GON4L: variants seen among roughly 807,000 people sequenced by gnomAD.
The protein encoded by GON4L is gon-4 like, also known as GON-4-like protein.
Under a neutral mutation model 211.8 loss-of-function variants are expected in GON4L, and 87 were observed. The observed-to-expected ratio is 0.41, with a 90% CI of 0.35 to 0.49. The LOEUF (loss-of-function observed/expected upper bound fraction) is 0.49. Ranked by LOEUF, GON4L falls within the 20% of genes least tolerant of loss-of-function variation. GON4L has a pLI of 0.15. For missense variants in GON4L, 2,155 were observed against 2,659.5 expected (o/e 0.81, Z 4.17); for synonymous variants, 875 against 962.6 (o/e 0.91, Z 1.68).
intron 14 of GON4L, among the ~76,000 whole-genome samples, chr1:155,782,388 C>G (rs1664507860): frequency 6.6e-6 from 1 of 152,140 alleles, no homozygotes; most frequent in Non-Finnish European, 1.5e-5. Context: ...ATGTACTTAC[C>G]ATTGTGTTAC....
chr1:155,843,771 C>T (rs1010987233), intron 2 of GON4L, among the ~76,000 whole-genome samples: 3 of 152,108 alleles, frequency 2.0e-5, no homozygotes, highest in Admixed American at 6.5e-5. Flanking sequence ...TGGTGGAAAA[C>T]GAGGGCTACT....
intron 9 of GON4L, 85 bp downstream of exon 9, chr1:155,814,245 C>T (rs1308636017): frequency 2.3e-6 from 3 of 1,282,248 alleles, no homozygotes; most frequent in Admixed American, 3.4e-5. Flanking sequence ...CCCAGAATCA[C>T]CATGGATAAA....
chr1:155,809,693 T>C (rs1289293231), intron 10 of GON4L, among the ~76,000 whole-genome samples: 2 of 67,146 alleles, frequency 3.0e-5, no homozygotes, highest in Non-Finnish European at 5.1e-5. Flanking sequence ...TATATACTTA[T>C]ATATACTTAT....
At chr1:155,754,305 G>T (rs1315680698) in intron 28 of GON4L, 70 bp downstream of exon 28, 1 of 920,398 alleles carries the variant, frequency 1.1e-6, no homozygotes, top group Non-Finnish European at 1.8e-6. Flanking sequence ...ATTCAGTAAG[G>T]TACAATTCTT....
At chr1:155,778,514 G>A (rs1664064191) in intron 14 of GON4L, among the ~76,000 whole-genome samples, 1 of 152,146 alleles carries the variant, frequency 6.6e-6, no homozygotes, top group Admixed American at 6.6e-5. Context: ...GCTTCCCAAA[G>A]TGCTGGGATT....
intron 2 of GON4L, among the ~76,000 whole-genome samples, chr1:155,852,980 C>T (rs904862993): frequency 6.6e-6 from 1 of 151,934 alleles, no homozygotes; most frequent in Non-Finnish European, 1.5e-5. Context: ...GGCGTGGTGG[C>T]GCATGCCTGT....
intron 3 of GON4L, among the ~76,000 whole-genome samples, chr1:155,824,757 T>A (rs1571869207): frequency 8.4e-6 from 1 of 118,848 alleles, no homozygotes; most frequent in African/African-American, 3.4e-5. Flanking sequence ...ACAAAGACTC[T>A]GTCGCAAAAA....
At position 155,807,539 on chromosome 1, in the gene GON4L, TAAAAAATAC is replaced by T. The variant is rs528455871; in HGVS notation, c.1453-2407_1453-2399del. Among the ~76,000 whole-genome samples, 18 of 151,322 alleles carry T rather than the reference TAAAAAATAC, an allele frequency of 1.2e-4. No homozygotes were observed. In the South Asian group the frequency reaches 3.8e-3, roughly 32 times the overall value. Reference sequence around the variant, plus strand: ...GGCTAACAGTGAAACCCCGTCTCTATAAAAAATACAAAAAATTAGCTGGGCATGGTGGCA... The same window carrying T: ...GGCTAACAGTGAAACCCCGTCTCTATAAAAAATTAGCTGGGCATGGTGGCA... On this transcript the variant is annotated intron_variant, in intron 10 of 31. Transcript: ENST00000368331.
At chr1:155,831,078 C>G (rs1034813139) in intron 2 of GON4L, among the ~76,000 whole-genome samples, 3 of 152,042 alleles carry the variant, frequency 2.0e-5, no homozygotes, top group Non-Finnish European at 4.4e-5. Context: ...GTGGACAGGT[C>G]ACTTGAGCTC....
At chr1:155,787,432 G>A (rs953871625) in intron 12 of GON4L, among the ~76,000 whole-genome samples, 1 of 152,122 alleles carries the variant, frequency 6.6e-6, no homozygotes, top group Non-Finnish European at 1.5e-5. Context: ...ATGTCTGGAG[G>A]ACTGTGAACA....
At chr1:155,777,864 G>T in intron 14 of GON4L, 44 bp from the exon 15 acceptor site, 1 of 1,161,394 alleles carries the variant, frequency 8.6e-7, no homozygotes, top group Non-Finnish European at 1.3e-6. Context: ...GTTTCCGTAG[G>T]TCCACAACAC....
chr1:155,820,702 C>T, intron 5 of GON4L, 46 bp from the exon 6 acceptor site: 1 of 1,406,570 alleles, frequency 7.1e-7, no homozygotes, highest in Non-Finnish European at 1.0e-6. Context: ...AAAATCACAG[C>T]TCAGTGAGGT....
chr1:155,847,647 A>G (rs937689418), intron 2 of GON4L, among the ~76,000 whole-genome samples: 3 of 152,132 alleles, frequency 2.0e-5, no homozygotes, highest in African/African-American at 7.2e-5. Flanking sequence ...GGTTGCAGTG[A>G]ACTGAGATGG....
chr1:155,765,864 G>C lies in GON4L; in HGVS notation c.3609C>G (p.Val1203=), dbSNP rs1018056255. 1.2e-6 allele frequency: 2 copies of C among 1,614,082 alleles called. No individual in the cohort carries two copies. The highest frequency in any genetic ancestry group is 2.7e-5 in the African/African-American group (2 of 74,922). ...AATTGCCAGAAACAATTAAGGGTGA[G>C]ACAGAGGAGGCCACAAGGGACTGGT... The part of the protein sequence containing the change: ...PLNQSLVASS[V]SPLIVSGNSV... Residue 1203 remains valine (V), a synonymous_variant, in exon 21 of 32, where the codon GTC becomes GTG. Transcript: ENST00000368331.
At chr1:155,827,052 C>G in intron 2 of GON4L, 24 bp from the exon 3 acceptor site, 1 of 1,548,326 alleles carries the variant, frequency 6.5e-7, no homozygotes, top group South Asian at 1.1e-5. Flanking sequence ...AAATATTGCT[C>G]CACACTTTGA....
chr1:155,829,405 AGACCAT>A (rs140350905), intron 2 of GON4L, among the ~76,000 whole-genome samples: 3,437 of 152,256 alleles, frequency 0.023, 45 homozygotes, highest in Non-Finnish European at 0.034. Flanking sequence ...CAGGAGTTTG[AGACCAT>A]GCTGGGTAAC....
At chr1:155,772,537 G>A (rs1335706404) in intron 18 of GON4L, among the ~76,000 whole-genome samples, 1 of 150,654 alleles carries the variant, frequency 6.6e-6, no homozygotes, top group African/African-American at 2.4e-5. Context: ...AGGATGCCTT[G>A]AGTCCAGGAG....
chr1:155,843,988 T>C (rs1307375262), intron 2 of GON4L, among the ~76,000 whole-genome samples: 1 of 152,206 alleles, frequency 6.6e-6, no homozygotes, highest in Non-Finnish European at 1.5e-5. Flanking sequence ...TATCAAAAAC[T>C]TGAAACACCA....
At chr1:155,757,496 T>C (rs961036661) in intron 25 of GON4L, among the ~76,000 whole-genome samples, 173 bp from the exon 26 acceptor site, 1 of 152,120 alleles carries the variant, frequency 6.6e-6, no homozygotes, top group Non-Finnish European at 1.5e-5. Flanking sequence ...TAGCTGCCTA[T>C]AGGGGAAGGG....
Sources: allele counts gnomAD v4.1 joint callset (sites outside exome capture counted in the v4.1 genomes callset), GRCh38; gene constraint gnomAD v4.1.1; transcripts MANE v1.5; gene names NCBI Gene and HGNC (gene_info 2026-07-23, HGNC 2026-07-21).